Variants in UBASH3B observed in about 807,000 individuals in gnomAD.
The protein encoded by UBASH3B is ubiquitin-associated and SH3 domain-containing protein B.
A neutral mutation model predicts 83.4 loss-of-function variants in UBASH3B; 37 were observed. The ratio of observed to expected loss-of-function variants is 0.44; its 90% CI spans 0.34 to 0.58. The LOEUF is 0.58. Among genes scored for constraint, UBASH3B ranks in the 20% least tolerant of loss-of-function variants. The probability of loss-of-function intolerance (pLI) is 0.01; values close to 1 mark genes in which losing one functional copy is unlikely to be tolerated. For synonymous variants in UBASH3B, 304 were observed against 318.3 expected, an observed-to-expected ratio of 0.96 and a Z score of 0.48; for missense variants, 657 against 827.2, an observed-to-expected ratio of 0.79 and a Z score of 2.52.
At chr11:122,706,239 C>T (rs1864118612) in intron 1 of UBASH3B, among the ~76,000 whole-genome samples, 1 of 151,796 alleles carries the variant, frequency 6.6e-6, no homozygotes, top group South Asian at 2.1e-4. Context: ...CCTCAGCCTC[C>T]CAAGTAGCTG....
At chr11:122,786,223 G>A (rs1317900344) in intron 5 of UBASH3B, among the ~76,000 whole-genome samples, 2 of 151,644 alleles carry the variant, frequency 1.3e-5, no homozygotes, top group South Asian at 4.2e-4. Flanking sequence ...CTAATTTTTT[G>A]TATTTTTAGT....
chr11:122,760,100 T>C (rs539108110), intron 1 of UBASH3B, among the ~76,000 whole-genome samples: 20 of 152,348 alleles, frequency 1.3e-4, no homozygotes, highest in African/African-American at 4.3e-4. Flanking sequence ...ATGTGCCAGC[T>C]ACTAGAGATG....
At chr11:122,797,258 T>C in intron 9 of UBASH3B, 1 of 470,852 alleles carries the variant, frequency 2.1e-6, no homozygotes, top group South Asian at 2.9e-5. Context: ...GAGGAGCACG[T>C]GATCCAGTAA....
At chr11:122,659,986 G>A (rs1863415179) in intron 1 of UBASH3B, among the ~76,000 whole-genome samples, 1 of 152,194 alleles carries the variant, frequency 6.6e-6, no homozygotes, top group South Asian at 2.1e-4. Flanking sequence ...ACTGTGCTGT[G>A]GTCTTGCAAA....
intron 1 of UBASH3B, among the ~76,000 whole-genome samples, chr11:122,748,604 T>C (rs1449002096): frequency 6.6e-6 from 1 of 152,222 alleles, no homozygotes; most frequent in Non-Finnish European, 1.5e-5. Context: ...TTCTTGACAT[T>C]TTCATCTTCT....
intron 11 of UBASH3B, among the ~76,000 whole-genome samples, chr11:122,801,691 A>G (rs1298694354): frequency 6.6e-6 from 1 of 152,210 alleles, no homozygotes; most frequent in Non-Finnish European, 1.5e-5. Context: ...CTTGTCTTAC[A>G]GTTTCTACGT....
chr11:122,792,728 C>T (rs1336399562), intron 6 of UBASH3B, among the ~76,000 whole-genome samples: 1 of 152,194 alleles, frequency 6.6e-6, no homozygotes, highest in Non-Finnish European at 1.5e-5. Context: ...CCTTGGGCTA[C>T]AGTTACTTAA....
intron 1 of UBASH3B, among the ~76,000 whole-genome samples, chr11:122,770,115 G>T (rs1431610362): frequency 1.3e-5 from 2 of 152,172 alleles, no homozygotes; most frequent in Non-Finnish European, 2.9e-5. Context: ...ACAAGTCCTT[G>T]GTCACAGAGA....
chr11:122,799,111 A>G (rs947932645), intron 10 of UBASH3B, 77 bp downstream of exon 10: 4 of 1,226,776 alleles, frequency 3.3e-6, no homozygotes, highest in Non-Finnish European at 4.7e-6. Context: ...ATTATCTTAG[A>G]GCCATGGGAC....
intron 1 of UBASH3B, among the ~76,000 whole-genome samples, chr11:122,768,271 C>T (rs1860585087): frequency 6.6e-6 from 1 of 152,128 alleles, no homozygotes; most frequent in Non-Finnish European, 1.5e-5. Context: ...CAGTGTCCTT[C>T]CCACCACCAC....
At chr11:122,788,962 C>T in intron 5 of UBASH3B, 138 bp from the exon 6 acceptor site, 1 of 720,030 alleles carries the variant, frequency 1.4e-6, no homozygotes, top group Non-Finnish European at 2.4e-6. Context: ...CTACTCAGGG[C>T]CTGCAGACCC....
intron 1 of UBASH3B, among the ~76,000 whole-genome samples, chr11:122,709,045 G>A (rs1242526797): frequency 2.0e-5 from 3 of 152,136 alleles, no homozygotes; most frequent in African/African-American, 7.2e-5. Context: ...CCAGGAGTTC[G>A]AGACCAGCCT....
chr11:122,744,218 C>CTG (rs377438311), intron 1 of UBASH3B, among the ~76,000 whole-genome samples: 101 of 152,224 alleles, frequency 6.6e-4, no homozygotes, highest in African/African-American at 2.1e-3. Flanking sequence ...ATGGCTCAGG[C>CTG]TGTGTGTGTG....
In UBASH3B at chr11:122,798,878, A is replaced by T. The variant is rs150869684; in HGVS notation, c.1358-64A>T. ...AGCTTACTGCTTGGCCCCCTCTCAC[A>T]CTGCGGGTCAAGGTGAGACTGAGTA... is the stretch of plus-strand genomic sequence containing the variant. On this transcript the variant is annotated intron_variant, in intron 9 of 13. Coordinates refer to ENST00000284273, the MANE Select transcript of UBASH3B (RefSeq NM_032873.5). 1.5e-4 allele frequency: 206 copies of T among 1,411,666 alleles called. No individual in the cohort carries two copies. The African/African-American group carries it at 2.4e-3, about 16-fold the overall frequency. 87.4% of individuals were successfully genotyped at this position (1,411,666 alleles called of 1,614,324 possible). A position where few individuals can be genotyped will look rare whatever the true frequency, so the allele number is the denominator to read the frequency against.
At chr11:122,750,185 G>T (rs1323594360) in intron 1 of UBASH3B, among the ~76,000 whole-genome samples, 1 of 152,206 alleles carries the variant, frequency 6.6e-6, no homozygotes, top group Non-Finnish European at 1.5e-5. Context: ...CTGTTCCTCA[G>T]GCCGATGCTG....
chr11:122,664,628 G>A (rs1406998054), intron 1 of UBASH3B, among the ~76,000 whole-genome samples: 1 of 152,132 alleles, frequency 6.6e-6, no homozygotes, highest in Non-Finnish European at 1.5e-5. Context: ...TGTGATAGGT[G>A]ATCCCTTTTC....
At chr11:122,735,797 G>C (rs1051325756) in intron 1 of UBASH3B, among the ~76,000 whole-genome samples, 1 of 152,226 alleles carries the variant, frequency 6.6e-6, no homozygotes, top group Non-Finnish European at 1.5e-5. Context: ...GAGGGAGGCA[G>C]AGTTCAGAGT....
intron 1 of UBASH3B, among the ~76,000 whole-genome samples, chr11:122,693,515 A>G (rs985717792): frequency 1.3e-5 from 2 of 152,226 alleles, no homozygotes; most frequent in African/African-American, 2.4e-5. Context: ...GAATGGACAA[A>G]GTCATGGAGG....
intron 1 of UBASH3B, among the ~76,000 whole-genome samples, chr11:122,736,110 T>G (rs956807777): frequency 4.6e-5 from 7 of 152,132 alleles, no homozygotes; most frequent in Non-Finnish European, 7.4e-5. Context: ...GGCAGTGCAG[T>G]TCAGCCTCAT....
Sources: gnomAD v4.1 joint callset for allele counts (sites outside exome capture counted in the v4.1 genomes callset) on GRCh38, gnomAD v4.1.1 for gene constraint, MANE v1.5 for transcripts, NCBI Gene and HGNC (gene_info 2026-07-23, HGNC 2026-07-21) for gene names.